VIT: variants seen among roughly 807,000 people sequenced by gnomAD.
VIT encodes vitrin.
Under a neutral mutation model 78.0 loss-of-function variants are expected in VIT, and 99 were observed. The observed-to-expected ratio is 1.27, with a 90% CI of 1.08 to 1.50. The LOEUF is 1.50. Among genes scored for constraint, VIT ranks in the 40% most tolerant of loss-of-function variants. VIT has a pLI of 0.00. For missense variants in VIT, 1,126 were observed against 875.3 expected, an observed-to-expected ratio of 1.29 and a Z score of -3.61; for synonymous variants, 374 against 334.3, an observed-to-expected ratio of 1.12 and a Z score of -1.29.
intron 14 of VIT, among the ~76,000 whole-genome samples, chr2:36,806,018 A>G (rs577194636): frequency 1.2e-4 from 18 of 152,198 alleles, no homozygotes; most frequent in Middle Eastern, 6.8e-3. Flanking sequence ...ACACACGCAC[A>G]CACACACACG....
chr2:36,722,777 A>C (rs183626429), intron 2 of VIT, among the ~76,000 whole-genome samples: 1 of 152,294 alleles, frequency 6.6e-6, no homozygotes, highest in East Asian at 1.9e-4. Flanking sequence ...CTTTTCTTGA[A>C]CATAATGTGG....
chr2:36,795,178 G>A lies in VIT; in HGVS notation c.1059-6123G>A, dbSNP rs117547024. ...CTCATGATCTCTGGATTCTGTATTT[G>A]CAAATTTGCCTACTCCTTAAAGTTT... On this transcript the variant is annotated intron_variant, in intron 12 of 15. Coordinates refer to ENST00000379242, the MANE Select transcript of VIT (RefSeq NM_053276.4). Among the ~76,000 whole-genome samples the A allele has an allele frequency of 3.4e-3, 522 of 152,164 alleles. 23 individuals are homozygous for A. Among genetic ancestry groups the A allele is most frequent in the Admixed American group, 0.023 (352 of 15,282 alleles).
chr2:36,790,769 T>G (rs942343940), intron 12 of VIT, among the ~76,000 whole-genome samples: 1 of 152,210 alleles, frequency 6.6e-6, no homozygotes, highest in South Asian at 2.1e-4. Context: ...TTTCACCTCC[T>G]GAAGACTGAG....
In VIT at chr2:36,755,003, G is replaced by A. The variant is rs745683461; in HGVS notation, c.358G>A (p.Gly120Ser). 2 of 1,614,004 alleles carry A rather than the reference G, an allele frequency of 1.2e-6. No homozygotes were observed. The highest frequency in any genetic ancestry group is 1.3e-5 in the African/African-American group (1 of 74,896). ...QSGYKGSYSN[G>S]VQSLSLPRWR... ...TGGTTACAAAGGGAGTTATTCCAAC[G>A]GTGTCCAATCGTTATCCCTACCACG... The change falls in exon 5 of 16, where the codon GGT becomes AGT. Residue 120 changes from glycine (G) to serine (S), a missense_variant. Gly to Ser is a moderately conservative substitution (Grantham distance 56). Transcript: ENST00000379242.
chr2:36,734,206 G>A (rs1298377212), intron 3 of VIT, among the ~76,000 whole-genome samples: 1 of 152,168 alleles, frequency 6.6e-6, no homozygotes, highest in Non-Finnish European at 1.5e-5. Flanking sequence ...AGAGGACCAA[G>A]ACAAAGGCGT....
chr2:36,781,709 T>C lies in VIT; in HGVS notation c.803-18T>C. 1 of 1,614,128 alleles carries C rather than the reference T, an allele frequency of 6.2e-7. No homozygotes were observed. The highest frequency in any genetic ancestry group is 8.5e-7 in the Non-Finnish European group (1 of 1,179,998). On this transcript the variant is annotated intron_variant, in intron 9 of 15. Transcript: ENST00000379242. The stretch of plus-strand genomic sequence containing the variant: ...GGTTTAAGTAACAAGTTTGTTTCTT[T>C]TCAATTTTGAAAATCAGGAGAGATG...
intron 1 of VIT, among the ~76,000 whole-genome samples, chr2:36,708,069 T>C (rs1179346949): frequency 6.6e-6 from 1 of 151,762 alleles, no homozygotes; most frequent in Non-Finnish European, 1.5e-5. Context: ...TGTATGAAGG[T>C]TTATGTACAG....
chr2:36,729,477 A>C lies in VIT; in HGVS notation c.104A>C (p.Lys35Thr). ...HSNKETAKKI[K>T]RPKFTVPQIN... ...AACAAAGAAACGGCAAAGAAGATTA[A>C]AAGGCCCAAGTTCAGTAAGTAAAAT... The change falls in exon 3 of 16, where the codon AAA becomes ACA. Residue 35 changes from lysine (K) to threonine (T), a missense_variant. Lys to Thr is a moderately conservative substitution (Grantham distance 78). Coordinates refer to ENST00000379242, the MANE Select transcript of VIT (RefSeq NM_053276.4). 1.2e-6 allele frequency: 2 copies of C among 1,609,290 alleles called. No individual in the cohort carries two copies. Among genetic ancestry groups the C allele is most frequent in the Non-Finnish European group, 1.7e-6 (2 of 1,177,948 alleles).
chr2:36,755,652 C>T (rs2160335), intron 5 of VIT, among the ~76,000 whole-genome samples: 53,706 of 152,086 alleles, frequency 0.35, 10,453 homozygotes, highest in Non-Finnish European at 0.44. Context: ...GTGATTTTAA[C>T]ATCCATTGCC....
chr2:36,781,677 C>T, intron 9 of VIT, 50 bp from the exon 10 acceptor site: 1 of 1,597,492 alleles, frequency 6.3e-7, no homozygotes, highest in Non-Finnish European at 8.6e-7. Context: ...AGAGTTTCTG[C>T]TGGTTTGGTT....
intron 12 of VIT, among the ~76,000 whole-genome samples, chr2:36,800,207 C>T (rs538563944): frequency 8.2e-4 from 124 of 151,948 alleles, no homozygotes; most frequent in African/African-American, 2.6e-3. Context: ...TAGCCAGGCG[C>T]GGTGGCAGGT....
At chr2:36,745,130 T>C (rs138963926) in intron 4 of VIT, among the ~76,000 whole-genome samples, 1 of 152,108 alleles carries the variant, frequency 6.6e-6, no homozygotes, top group Non-Finnish European at 1.5e-5. Context: ...TAGTTGCAGG[T>C]GTATGGCTTT....
At chr2:36,706,626 G>A (rs1466827193) in intron 1 of VIT, among the ~76,000 whole-genome samples, 1 of 152,046 alleles carries the variant, frequency 6.6e-6, no homozygotes, top group Non-Finnish European at 1.5e-5. Flanking sequence ...TCAGAATCCC[G>A]ATTCCAAAAT....
intron 13 of VIT, 135 bp downstream of exon 13, chr2:36,801,539 G>C (rs113510136): frequency 1.3e-6 from 1 of 766,402 alleles, no homozygotes. Context: ...CGGGCGTGGT[G>C]GTTCACACCT....
intron 3 of VIT, among the ~76,000 whole-genome samples, chr2:36,742,310 A>T (rs13392717): frequency 0.013 from 2,018 of 152,272 alleles, 42 homozygotes; most frequent in African/African-American, 0.045. Flanking sequence ...TACTGGATGA[A>T]GTGAGGCTGG....
At chr2:36,746,232 A>G (rs1668125934) in intron 4 of VIT, among the ~76,000 whole-genome samples, 1 of 152,154 alleles carries the variant, frequency 6.6e-6, no homozygotes, top group Non-Finnish European at 1.5e-5. Context: ...GGATTTTTGC[A>G]TCTATGTTCA....
At chr2:36,778,387 C>T (rs893801643) in intron 9 of VIT, among the ~76,000 whole-genome samples, 1 of 152,132 alleles carries the variant, frequency 6.6e-6, no homozygotes, top group Non-Finnish European at 1.5e-5. Flanking sequence ...GGGTGGTGGG[C>T]TCCTGATAAT....
At chr2:36,698,842 G>T (rs1198276711) in intron 1 of VIT, among the ~76,000 whole-genome samples, 4 of 152,054 alleles carry the variant, frequency 2.6e-5, no homozygotes, top group Admixed American at 2.0e-4. Flanking sequence ...TACTCGGGAG[G>T]CTGAGGCAGG....
At position 36,814,304 on chromosome 2, in the gene VIT, T is replaced by C. The variant is rs1667410373; in HGVS notation, c.2025T>C (p.Tyr675=). The C allele has an allele frequency of 1.2e-6, 2 of 1,614,122 alleles. No individual in the cohort carries two copies. The highest frequency in any genetic ancestry group is 1.7e-6 in the Non-Finnish European group (2 of 1,180,058). Residue 675 remains tyrosine, a synonymous_variant, in exon 16 of 16, where the codon TAT becomes TAC. Coordinates refer to ENST00000379242, the MANE Select transcript of VIT (RefSeq NM_053276.4). ...FVDEFDNLHQ[Y]VPRIIQNICT... is the part of the protein sequence containing the mutation. ...ACGAGTTTGACAACCTCCATCAGTA[T>C]GTCCCCAGGATCATCCAGAACATTT... is the stretch of plus-strand genomic sequence containing the variant.
Sources: allele counts gnomAD v4.1 joint callset (sites outside exome capture counted in the v4.1 genomes callset), GRCh38; gene constraint gnomAD v4.1.1; transcripts MANE v1.5; gene names NCBI Gene and HGNC (gene_info 2026-07-23, HGNC 2026-07-21).